NFIA: variants seen among roughly 807,000 people sequenced by gnomAD.
NFIA encodes the protein nuclear factor I A.
A neutral mutation model predicts 62.8 loss-of-function variants in NFIA; 8 were observed. That is an observed-to-expected ratio of 0.13 (90% confidence interval 0.07 to 0.23). The LOEUF is 0.23. Among genes scored for constraint, NFIA ranks in the 10% least tolerant of loss-of-function variants. NFIA has a pLI of 1.00. For synonymous variants in NFIA, 235 were observed against 238.1 expected, an observed-to-expected ratio of 0.99 and a Z score of 0.12; for missense variants, 410 against 642.1, an observed-to-expected ratio of 0.64 and a Z score of 3.91.
intron 2 of NFIA, among the ~76,000 whole-genome samples, chr1:61,187,811 G>A (rs1281702562): frequency 1.3e-5 from 2 of 152,158 alleles, no homozygotes; most frequent in East Asian, 3.9e-4. Flanking sequence ...GAAAACCAGG[G>A]CAGGTCTCAT....
intron 4 of NFIA, among the ~76,000 whole-genome samples, chr1:61,345,081 TATGAC>T (rs1433625561): frequency 2.7e-5 from 4 of 150,602 alleles, no homozygotes; most frequent in African/African-American, 9.7e-5. Context: ...ACATTCTACT[TATGAC>T]AGGAAAGAGG....
At chr1:61,136,725 C>T (rs538727074) in intron 2 of NFIA, among the ~76,000 whole-genome samples, 1 of 151,956 alleles carries the variant, frequency 6.6e-6, no homozygotes, top group African/African-American at 2.4e-5. Flanking sequence ...CTGGGAGACA[C>T]AATTATGGGC....
At chr1:61,440,650 ATCC>A (rs1667532868) in intron 10 of NFIA, among the ~76,000 whole-genome samples, 1 of 151,260 alleles carries the variant, frequency 6.6e-6, no homozygotes, top group Admixed American at 6.6e-5. Flanking sequence ...AGATTTTTGT[ATCC>A]TCCTCCCGAT....
rs1382651718 is a variant in NFIA, at chr1:61,099,614, G to T, written c.559+10934G>T. Among the ~76,000 whole-genome samples, 4 of 152,186 alleles carry T rather than the reference G, an allele frequency of 2.6e-5. No homozygotes were observed. The East Asian group carries it at 7.7e-4, about 29-fold the overall frequency. ...TTCCAAGTTTTGGAGAATTTTTCAT[G>T]TTGGGCGGTGTTGGAGAAGTAGAGA... On this transcript the variant is annotated intron_variant, in intron 2 of 10. Transcript: ENST00000403491.
intron 2 of NFIA, among the ~76,000 whole-genome samples, chr1:61,166,056 A>G (rs1443683637): frequency 2.0e-5 from 3 of 152,206 alleles, no homozygotes; most frequent in Non-Finnish European, 4.4e-5. Context: ...CAAATAATCT[A>G]GTTAGGATTA....
chr1:61,230,847 G>A (rs1654631779), intron 2 of NFIA, among the ~76,000 whole-genome samples: 1 of 152,166 alleles, frequency 6.6e-6, no homozygotes, highest in Non-Finnish European at 1.5e-5. Context: ...CAGGGCCATT[G>A]CGTCTTCTGG....
chr1:61,413,977 G>GT (rs1480870721), intron 9 of NFIA, among the ~76,000 whole-genome samples: 3 of 148,454 alleles, frequency 2.0e-5, no homozygotes, highest in African/African-American at 7.4e-5. Context: ...TTGTTTTTTT[G>GT]TTTTTTTGTT....
At chr1:61,219,789 C>A (rs112026109) in intron 2 of NFIA, among the ~76,000 whole-genome samples, 22,834 of 150,406 alleles carry the variant, frequency 0.15, 1,865 homozygotes, top group East Asian at 0.32. Context: ...CATGGTGAAA[C>A]CCTGTCTCTA....
chr1:61,282,449 A>G (rs1282017261), intron 3 of NFIA, among the ~76,000 whole-genome samples: 1 of 152,196 alleles, frequency 6.6e-6, no homozygotes, highest in Non-Finnish European at 1.5e-5. Flanking sequence ...AAACATATTT[A>G]TGGGACAGAG....
intron 7 of NFIA, among the ~76,000 whole-genome samples, chr1:61,402,966 T>G (rs1665645301): frequency 6.6e-6 from 1 of 152,212 alleles, no homozygotes; most frequent in Non-Finnish European, 1.5e-5. Context: ...TTTCACAGCC[T>G]TTAGCCATGC....
At chr1:61,257,329 GTTTTTTTTTTTTTTTTT>G (rs67912567) in intron 2 of NFIA, among the ~76,000 whole-genome samples, 2 of 54,696 alleles carry the variant, frequency 3.7e-5, no homozygotes, top group African/African-American at 1.3e-4. Flanking sequence ...TTACTGCGTT[GTTTTTTTTTTTTTTTTT>G]TTTTTTTTTG....
chr1:61,426,752 A>G (rs909416664), intron 10 of NFIA, among the ~76,000 whole-genome samples, 196 bp downstream of exon 10: 9 of 152,030 alleles, frequency 5.9e-5, no homozygotes, highest in Non-Finnish European at 1.3e-4. Flanking sequence ...TGCTTCTTGT[A>G]TTGAGTGGGT....
At chr1:61,350,493 G>A (rs567363035) in intron 4 of NFIA, among the ~76,000 whole-genome samples, 2 of 152,204 alleles carry the variant, frequency 1.3e-5, no homozygotes, top group African/African-American at 4.8e-5. Context: ...AAAATTAGCC[G>A]GGTGTGGCGT....
intron 2 of NFIA, among the ~76,000 whole-genome samples, chr1:61,244,827 C>G (rs534146699): frequency 6.6e-6 from 1 of 152,156 alleles, no homozygotes; most frequent in African/African-American, 2.4e-5. Context: ...GCGTTTTCTA[C>G]GTACACACCT....
chr1:61,140,395 G>GA (rs1255273658), intron 2 of NFIA, among the ~76,000 whole-genome samples: 3 of 151,302 alleles, frequency 2.0e-5, no homozygotes, highest in Admixed American at 1.3e-4. Context: ...ATGGGTAGGA[G>GA]AAAGCTAGTA....
intron 2 of NFIA, among the ~76,000 whole-genome samples, chr1:61,113,030 A>G (rs1356195072): frequency 6.6e-6 from 1 of 152,166 alleles, no homozygotes; most frequent in Non-Finnish European, 1.5e-5. Flanking sequence ...ATAAGATTGG[A>G]ATGAAAATTT....
At chr1:61,135,990 A>C (rs897491705) in intron 2 of NFIA, among the ~76,000 whole-genome samples, 2 of 152,214 alleles carry the variant, frequency 1.3e-5, no homozygotes, top group African/African-American at 2.4e-5. Flanking sequence ...GCTCGCATAC[A>C]TGTAGCTTAA....
chr1:61,432,047 A>G (rs147683190), intron 10 of NFIA, among the ~76,000 whole-genome samples: 10 of 152,318 alleles, frequency 6.6e-5, no homozygotes, highest in African/African-American at 2.4e-4. Context: ...CACCAACATC[A>G]AAACAGTGTA....
At chr1:61,377,237 A>T (rs1664195824) in intron 6 of NFIA, among the ~76,000 whole-genome samples, 1 of 151,758 alleles carries the variant, frequency 6.6e-6, no homozygotes, top group Non-Finnish European at 1.5e-5. Flanking sequence ...AAAAGAAAGA[A>T]AGAGAAGAAA....
Sources: gnomAD v4.1 joint callset for allele counts (sites outside exome capture counted in the v4.1 genomes callset) on GRCh38, gnomAD v4.1.1 for gene constraint, MANE v1.5 for transcripts, NCBI Gene and HGNC (gene_info 2026-07-23, HGNC 2026-07-21) for gene names.